Variants in NOL4L observed in about 807,000 individuals in gnomAD.
NOL4L encodes the protein nucleolar protein 4-like.
A neutral mutation model predicts 64.5 loss-of-function variants in NOL4L; 7 were observed. That is an observed-to-expected ratio of 0.11 (90% CI 0.06 to 0.20). The LOEUF is 0.20. Among genes scored for constraint, NOL4L ranks in the 10% least tolerant of loss-of-function variants. The pLI is 1.00. For synonymous variants in NOL4L, 413 were observed against 401.0 expected, an observed-to-expected ratio of 1.03 and a Z score of -0.36; for missense variants, 680 against 967.1, an observed-to-expected ratio of 0.70 and a Z score of 3.94.
At chr20:32,465,727 C>T (rs994795816) in intron 5 of NOL4L, among the ~76,000 whole-genome samples, 1 of 152,394 alleles carries the variant, frequency 6.6e-6, no homozygotes, top group African/African-American at 2.4e-5. Context: ...CTCCCGGAAG[C>T]CAGTCTGGGT....
At chr20:32,543,308 G>A (rs569266103) in intron 1 of NOL4L, among the ~76,000 whole-genome samples, 25 of 152,220 alleles carry the variant, frequency 1.6e-4, no homozygotes, top group South Asian at 4.2e-4. Context: ...GTGAAACCCC[G>A]TGTCTACTAA....
At chr20:32,584,133 G>GCACACACACACACACACACACACACA (rs745461984) in intron 1 of NOL4L, among the ~76,000 whole-genome samples, 2 of 88,800 alleles carry the variant, frequency 2.3e-5, no homozygotes, top group African/African-American at 1.0e-4. Flanking sequence ...CTCCGCGCGC[G>GCACACACACACACACACACACACACA]CACACACACA....
At chr20:32,522,311 G>C (rs573960804) in intron 2 of NOL4L, among the ~76,000 whole-genome samples, 1 of 152,366 alleles carries the variant, frequency 6.6e-6, no homozygotes, top group South Asian at 2.1e-4. Context: ...TCCTTGATGA[G>C]TTATCTCCCT....
intron 1 of NOL4L, among the ~76,000 whole-genome samples, chr20:32,570,913 C>A (rs1979712523): frequency 1.3e-5 from 2 of 152,300 alleles, no homozygotes; most frequent in South Asian, 4.2e-4. Context: ...CTCACTACAG[C>A]CTCCAGGGAA....
rs1568654908 is a variant in NOL4L at position 32,494,252 on chromosome 20, G to GAAAAAAAA, written c.699+17094_699+17095insTTTTTTTT. On this transcript the variant is annotated intron_variant, in intron 4 of 10. Coordinates refer to ENST00000621426, the MANE Select transcript of NOL4L (RefSeq NM_001256798.2). Reference sequence around the variant, plus strand: ...TGGGCCACAGAGTGAGATAATCTCGGGAAAAAAAAAAAAAAAAAAAAAAAA... The same window carrying GAAAAAAAA: ...TGGGCCACAGAGTGAGATAATCTCGGAAAAAAAAGAAAAAAAAAAAAAAAAAAAAAAAA... Among the ~76,000 whole-genome samples, 12 of 27,098 alleles carry GAAAAAAAA rather than the reference G, an allele frequency of 4.4e-4. 1 individual carries two copies. The highest frequency in any genetic ancestry group is 1.7e-3 in the African/African-American group (11 of 6,486). The allele number at this position is 27,098 out of a possible 152,430, so 17.8% of individuals were successfully genotyped here.
At chr20:32,534,146 G>A (rs749631925) in intron 1 of NOL4L, among the ~76,000 whole-genome samples, 3 of 152,320 alleles carry the variant, frequency 2.0e-5, no homozygotes, top group East Asian at 1.9e-4. Context: ...TTCCAGCAAC[G>A]ACGAGGCCAT....
chr20:32,584,359 A>AG (rs1214227364), intron 1 of NOL4L, among the ~76,000 whole-genome samples: 1 of 150,548 alleles, frequency 6.6e-6, no homozygotes, highest in African/African-American at 2.4e-5. Flanking sequence ...AGCGGCGCGG[A>AG]GGGGGGCAGG....
At chr20:32,519,050 G>A (rs2017808750) in intron 3 of NOL4L, among the ~76,000 whole-genome samples, 2 of 152,208 alleles carry the variant, frequency 1.3e-5, no homozygotes, top group South Asian at 4.1e-4. Context: ...CACAGATGAG[G>A]GAACTGAGGC....
At chr20:32,509,814 A>G in intron 4 of NOL4L, 4 of 1,304,092 alleles carry the variant, frequency 3.1e-6, no homozygotes, top group Non-Finnish European at 4.0e-6. Context: ...GCCATTCTGT[A>G]TGAAACAAAA....
chr20:32,523,287 C>A (rs1032069646), intron 2 of NOL4L, among the ~76,000 whole-genome samples: 1 of 152,196 alleles, frequency 6.6e-6, no homozygotes, highest in African/African-American at 2.4e-5. Context: ...CCCTGCCCCA[C>A]AAGGCTGGAT....
chr20:32,453,959 A>C lies in NOL4L; in HGVS notation c.1120-198T>G. ...GTGCAATGGGGACAGCAATGCTACCACCTCCCTCCCTGGGCTGCCGCAGGG... is the reference window on the plus strand; with the variant it reads ...GTGCAATGGGGACAGCAATGCTACCCCCTCCCTCCCTGGGCTGCCGCAGGG... On this transcript the variant is annotated intron_variant, in intron 6 of 10. Coordinates refer to ENST00000621426, the MANE Select transcript of NOL4L (RefSeq NM_001256798.2). This position sits in a 1 kb window ranked among gnomAD's most constrained non-coding sequence, Gnocchi z 5.6. 1 of 592,758 alleles carries C rather than the reference A, an allele frequency of 1.7e-6. No individual in the cohort carries two copies. Among genetic ancestry groups the C allele is most frequent in the Non-Finnish European group, 3.0e-6 (1 of 333,692 alleles). The allele number at this position is 592,758 out of a possible 1,614,324, so 36.7% of individuals were successfully genotyped here.
chr20:32,483,001 C>A (rs1360687025), intron 4 of NOL4L, among the ~76,000 whole-genome samples: 1 of 151,286 alleles, frequency 6.6e-6, no homozygotes, highest in African/African-American at 2.4e-5. Context: ...CCCCCAGGAC[C>A]CGCGGCGCGC....
Position 32,456,232 on chromosome 20 carries a change from C to T in NOL4L, c.1005G>A (p.Leu335=). ...CCGTGGCCGGCGGGAGCTTGTCACA[C>T]AGGTTGATGGGCTGATCCTCGGCGG... ...TTAAEDQPIN[L]CDKLPPATAL... The change falls in exon 6 of 11, where the codon CTG becomes CTA. Residue 335 remains leucine, a synonymous_variant. Transcript: ENST00000621426. 1.2e-6 allele frequency: 2 copies of T among 1,608,856 alleles called. No homozygotes were observed.
At chr20:32,525,141 C>T (rs980986108) in intron 2 of NOL4L, among the ~76,000 whole-genome samples, 4 of 152,234 alleles carry the variant, frequency 2.6e-5, no homozygotes, top group South Asian at 2.1e-4. Context: ...GCTGGATGTC[C>T]GCTTGGCCCA....
intron 4 of NOL4L, among the ~76,000 whole-genome samples, chr20:32,494,486 A>G (rs1039726916): frequency 2.0e-5 from 3 of 151,438 alleles, no homozygotes; most frequent in African/African-American, 7.3e-5. Flanking sequence ...TTTCTTTTCC[A>G]TTCTTTTTCT....
rs570832757 is a variant in NOL4L at position 32,564,801 on chromosome 20, G to A, written c.321+19769C>T. Among the ~76,000 whole-genome samples, 19 of 152,374 alleles carry A rather than the reference G, an allele frequency of 1.2e-4. No individual in the cohort carries two copies. The East Asian group carries it at 3.3e-3, about 26-fold the overall frequency. ...GAGGGGTCCAGCAGCCCAGTGCCTCGGGGGGCTGAAGCAGGTGCGGCTAGA... is the reference window on the plus strand; with the variant it reads ...GAGGGGTCCAGCAGCCCAGTGCCTCAGGGGGCTGAAGCAGGTGCGGCTAGA... On this transcript the variant is annotated intron_variant, in intron 1 of 10. Transcript: ENST00000621426.
intron 1 of NOL4L, among the ~76,000 whole-genome samples, chr20:32,584,102 C>A (rs1013776146): frequency 1.4e-5 from 2 of 141,430 alleles, no homozygotes; most frequent in Non-Finnish European, 3.2e-5. Context: ...CCCTCCCCCC[C>A]CCCCACCCCG....
chr20:32,583,579 C>G (rs1413316814), intron 1 of NOL4L, among the ~76,000 whole-genome samples: 1 of 148,574 alleles, frequency 6.7e-6, no homozygotes, highest in South Asian at 2.1e-4. Context: ...GGGCCGGGGG[C>G]GGAACGCACT....
chr20:32,470,947 T>A (rs1237568289), intron 5 of NOL4L, among the ~76,000 whole-genome samples: 1 of 152,116 alleles, frequency 6.6e-6, no homozygotes, highest in Non-Finnish European at 1.5e-5. Context: ...TTCCTCCCCA[T>A]GAGATGAGGG....
Sources: gnomAD v4.1 joint callset for allele counts (sites outside exome capture counted in the v4.1 genomes callset) on GRCh38, gnomAD v4.1.1 for gene constraint, Gnocchi (gnomAD v3.1) non-coding constraint, MANE v1.5 for transcripts, NCBI Gene and HGNC (gene_info 2026-07-23, HGNC 2026-07-21) for gene names.